Variants in NXPH1 observed in about 807,000 individuals in gnomAD.
The protein encoded by NXPH1 is neurexophilin 1, also known as neurexophilin-1.
A neutral mutation model predicts 23.7 loss-of-function variants in NXPH1; 5 were observed. The ratio of observed to expected loss-of-function variants is 0.21; its 90% CI spans 0.11 to 0.44. The LOEUF is 0.44. Among genes scored for constraint, NXPH1 ranks in the 20% least tolerant of loss-of-function variants. NXPH1 has a pLI of 0.99. For synonymous variants in NXPH1, 144 were observed against 122.2 expected, an observed-to-expected ratio of 1.18 and a Z score of -1.18; for missense variants, 324 against 321.6, an observed-to-expected ratio of 1.01 and a Z score of -0.06.
chr7:8,657,268 A>G (rs1199065224), intron 2 of NXPH1, among the ~76,000 whole-genome samples: 1 of 152,264 alleles, frequency 6.6e-6, no homozygotes, highest in Non-Finnish European at 1.5e-5. Context: ...AAGAAATGTT[A>G]CAAGGAAAAT....
rs1053909984 is a variant in NXPH1, at chr7:8,718,226, T to C, written c.55-32782T>C. On this transcript the variant is annotated intron_variant, in intron 2 of 2. Coordinates refer to ENST00000405863, the MANE Select transcript of NXPH1 (RefSeq NM_152745.3). ...GTAAAGCAGGCTTGAACTCAGCTTT[T>C]GATTAAAACATAGTTATGTGGCCTT... Among the ~76,000 whole-genome samples, 6 of 152,204 alleles carry C rather than the reference T, an allele frequency of 3.9e-5. 1 individual carries two copies. The highest frequency in any genetic ancestry group is 3.3e-4 in the Admixed American group (5 of 15,274).
chr7:8,592,484 A>G (rs1819119822), intron 2 of NXPH1, among the ~76,000 whole-genome samples: 1 of 151,968 alleles, frequency 6.6e-6, no homozygotes, highest in African/African-American at 2.4e-5. Context: ...TTGAAGTTGT[A>G]AATTGGGTTT....
At chr7:8,679,749 G>T (rs1350512125) in intron 2 of NXPH1, among the ~76,000 whole-genome samples, 1 of 152,206 alleles carries the variant, frequency 6.6e-6, no homozygotes, top group South Asian at 2.1e-4. Flanking sequence ...TAGGCTGGGC[G>T]CAGTGGCTCA....
chr7:8,496,643 C>G lies in NXPH1; in HGVS notation c.54+60876C>G, dbSNP rs75132005. Reference sequence around the variant, plus strand: ...ATCGCCTGGGAACATGTTAGAAATGCAACTTCTTGGGCCCCATCCCAGAAC... The same window carrying G: ...ATCGCCTGGGAACATGTTAGAAATGGAACTTCTTGGGCCCCATCCCAGAAC... On this transcript the variant is annotated intron_variant, in intron 2 of 2. Transcript: ENST00000405863. Among the ~76,000 whole-genome samples the G allele has an allele frequency of 2.7e-3, 413 of 152,130 alleles. 12 individuals are homozygous for G. The East Asian group carries it at 0.043, about 16-fold the overall frequency.
chr7:8,721,371 T>G (rs934808075), intron 2 of NXPH1, among the ~76,000 whole-genome samples: 1 of 152,110 alleles, frequency 6.6e-6, no homozygotes, highest in Non-Finnish European at 1.5e-5. Context: ...AAATTGGAAA[T>G]TATACCAAAA....
chr7:8,630,017 T>C (rs1004842097), intron 2 of NXPH1, among the ~76,000 whole-genome samples: 6 of 152,128 alleles, frequency 3.9e-5, no homozygotes, highest in Non-Finnish European at 8.8e-5. Context: ...GGTGGATTGG[T>C]GAACATTTTA....
In NXPH1 at chr7:8,747,460, C is replaced by T. The variant is rs138604814; in HGVS notation, c.55-3548C>T. On this transcript the variant is annotated intron_variant, in intron 2 of 2. Transcript: ENST00000405863. ...AAATTGAGCTGTAAATCCCTCTTTT[C>T]CTCCTTCTTTGGGATAATTTCGTTA... 1.5e-3 allele frequency among the ~76,000 whole-genome samples: 233 copies of T among 152,284 alleles called. 1 individual carries two copies. The highest frequency in any genetic ancestry group is 5.4e-3 in the African/African-American group (224 of 41,558).
At chr7:8,683,344 A>C (rs1277655299) in intron 2 of NXPH1, among the ~76,000 whole-genome samples, 1 of 152,170 alleles carries the variant, frequency 6.6e-6, no homozygotes, top group African/African-American at 2.4e-5. Flanking sequence ...GATTTGGAGG[A>C]GAGAAACATC....
At chr7:8,724,879 C>T (rs572316155) in intron 2 of NXPH1, among the ~76,000 whole-genome samples, 164 of 152,334 alleles carry the variant, frequency 1.1e-3, no homozygotes, top group African/African-American at 3.8e-3. Flanking sequence ...TGAGATTTCA[C>T]ACACCATGCT....
chr7:8,678,944 T>G (rs1821004144), intron 2 of NXPH1, among the ~76,000 whole-genome samples: 1 of 59,186 alleles, frequency 1.7e-5, no homozygotes, highest in Non-Finnish European at 4.7e-5. Flanking sequence ...TTTTTTTTTT[T>G]TTTTTTTTTT....
chr7:8,510,428 A>C (rs990731819), intron 2 of NXPH1, among the ~76,000 whole-genome samples: 8 of 152,118 alleles, frequency 5.3e-5, no homozygotes, highest in African/African-American at 1.9e-4. Context: ...AGGCTGAGAC[A>C]ATTATCTGTA....
At chr7:8,573,257 T>TG (rs1818684996) in intron 2 of NXPH1, among the ~76,000 whole-genome samples, 1 of 152,112 alleles carries the variant, frequency 6.6e-6, no homozygotes, top group Non-Finnish European at 1.5e-5. Flanking sequence ...TCAATATAAT[T>TG]GTCTAACTTT....
chr7:8,530,633 C>T (rs1817936237), intron 2 of NXPH1, among the ~76,000 whole-genome samples: 1 of 152,144 alleles, frequency 6.6e-6, no homozygotes. Flanking sequence ...TGAAAACTTG[C>T]CTGGAGGGGC....
rs1239618675 is a variant in NXPH1, at chr7:8,752,916, AAAATG to A, written c.*1153_*1157del. On this transcript the variant is annotated 3_prime_UTR_variant, in exon 3 of 3. Coordinates refer to ENST00000405863, the MANE Select transcript of NXPH1 (RefSeq NM_152745.3). ...GTATTTAGATATTTTATTTCTGGAA[AAAATG>A]AAATGTACATAAAAATAAAACACTT... 6.6e-6 allele frequency: 1 copy of A among 152,602 alleles called. No homozygotes were observed. Among genetic ancestry groups the A allele is most frequent in the African/African-American group, 2.4e-5 (1 of 41,440 alleles). The allele number at this position is 152,602 out of a possible 1,614,324, so 9.5% of individuals were successfully genotyped here. A position where few individuals can be genotyped will look rare whatever the true frequency, so the allele number is the denominator to read the frequency against.
chr7:8,442,371 C>T lies in NXPH1; in HGVS notation c.54+6604C>T, dbSNP rs376444478. 3.3e-5 allele frequency among the ~76,000 whole-genome samples: 5 copies of T among 152,208 alleles called. No individual in the cohort carries two copies. Among genetic ancestry groups the T allele is most frequent in the East Asian group, 1.9e-4 (1 of 5,196 alleles). On this transcript the variant is annotated intron_variant, in intron 2 of 2. Transcript: ENST00000405863. This position sits in a 1 kb window ranked among gnomAD's most constrained non-coding sequence, Gnocchi z 4.6. ...GGGAGCTCTGCGCGTCCCCGCTGAA[C>T]CTGCCTCTGGCCGCGCCTCGCCATC...
At chr7:8,534,737 C>T (rs138026088) in intron 2 of NXPH1, among the ~76,000 whole-genome samples, 2 of 152,192 alleles carry the variant, frequency 1.3e-5, no homozygotes, top group Non-Finnish European at 2.9e-5. Context: ...TCACTCTATT[C>T]CTGCTAACAG....
intron 2 of NXPH1, among the ~76,000 whole-genome samples, chr7:8,591,734 T>C (rs1247456080): frequency 1.3e-5 from 2 of 152,028 alleles, no homozygotes; most frequent in Non-Finnish European, 2.9e-5. Context: ...TTTAATGTGG[T>C]AGGTACACAA....
intron 2 of NXPH1, among the ~76,000 whole-genome samples, chr7:8,675,040 G>C (rs1203773127): frequency 2.0e-5 from 3 of 152,140 alleles, no homozygotes; most frequent in Non-Finnish European, 4.4e-5. Flanking sequence ...ACTGGGTATG[G>C]ATGAGTAAAC....
intron 2 of NXPH1, among the ~76,000 whole-genome samples, chr7:8,541,594 A>G (rs1818118001): frequency 6.6e-6 from 1 of 151,686 alleles, no homozygotes; most frequent in South Asian, 2.1e-4. Context: ...TGGTTGCCAC[A>G]TGGGTAAATA....
Sources: allele counts gnomAD v4.1 joint callset (sites outside exome capture counted in the v4.1 genomes callset), GRCh38; gene constraint gnomAD v4.1.1; non-coding constraint Gnocchi (gnomAD v3.1); transcripts MANE v1.5; gene names NCBI Gene and HGNC (gene_info 2026-07-23, HGNC 2026-07-21).